Variants in EPB41L4A observed in about 807,000 individuals in gnomAD.
The protein encoded by EPB41L4A is band 4.1-like protein 4A.
In EPB41L4A, 100 loss-of-function variants were observed where a neutral mutation model predicts 108.6. The ratio of observed to expected loss-of-function variants is 0.92; its 90% CI spans 0.78 to 1.09. The LOEUF (loss-of-function observed/expected upper bound fraction) is 1.09, where lower values mean the gene tolerates loss of function less well. EPB41L4A is among the 50% of genes least tolerant of loss of function. The pLI is 0.00. For missense variants in EPB41L4A, 1,030 were observed against 842.7 expected, an observed-to-expected ratio of 1.22 and a Z score of -2.75; for synonymous variants, 319 against 289.0, an observed-to-expected ratio of 1.10 and a Z score of -1.05.
chr5:112,266,397 T>C (rs1028660137), intron 4 of EPB41L4A, 67 bp from the exon 5 acceptor site: 3 of 1,108,244 alleles, frequency 2.7e-6, no homozygotes, highest in African/African-American at 1.6e-5. Flanking sequence ...TTTCGGACCC[T>C]GATAATCAAG....
intron 17 of EPB41L4A, among the ~76,000 whole-genome samples, chr5:112,187,227 C>A (rs1761473376): frequency 6.6e-6 from 1 of 152,150 alleles, no homozygotes; most frequent in South Asian, 2.1e-4. Flanking sequence ...TAAAGGTGAA[C>A]CTCAATAAAC....
downstream of EPB41L4A, among the ~76,000 whole-genome samples, chr5:112,141,925 C>T (rs1245044238): frequency 2.0e-5 from 3 of 152,140 alleles, no homozygotes; most frequent in African/African-American, 7.2e-5. Context: ...CACCCTCCTC[C>T]CCCAACAACA....
chr5:112,392,036 T>C (rs1433760837), intron 1 of EPB41L4A, among the ~76,000 whole-genome samples: 1 of 152,134 alleles, frequency 6.6e-6, no homozygotes, highest in Non-Finnish European at 1.5e-5. Context: ...AGAGATTTTG[T>C]CAGCACCAGT....
At chr5:112,182,565 A>G (rs1415118730) in intron 18 of EPB41L4A, among the ~76,000 whole-genome samples, 1 of 152,188 alleles carries the variant, frequency 6.6e-6, no homozygotes, top group Non-Finnish European at 1.5e-5. Context: ...TTGAACTCAG[A>G]ATGCTTTAGA....
Position 112,164,067 on chromosome 5 carries a change from A to T in EPB41L4A, c.*923T>A, listed in dbSNP as rs1433060191. The T allele has an allele frequency of 2.0e-5, 3 of 152,296 alleles. No individual in the cohort carries two copies. The highest frequency in any genetic ancestry group is 2.9e-5 in the Non-Finnish European group (2 of 68,076). 9.4% of individuals were successfully genotyped at this position (152,296 alleles called of 1,614,324 possible). A position where few individuals can be genotyped will look rare whatever the true frequency, so the allele number is the denominator to read the frequency against. ...AGTCACTGGGGAGAGCAGGTGAATT[A>T]GATGGCCAAGCAGGGTGGATGGATC... On this transcript the variant is annotated 3_prime_UTR_variant, in exon 23 of 23. Coordinates refer to ENST00000261486, the MANE Select transcript of EPB41L4A (RefSeq NM_022140.5).
chr5:112,254,331 A>G (rs1750913691), intron 9 of EPB41L4A, among the ~76,000 whole-genome samples: 1 of 152,114 alleles, frequency 6.6e-6, no homozygotes, highest in Non-Finnish European at 1.5e-5. Context: ...ATGCTTCCCA[A>G]ATCTGCCGAC....
intron 10 of EPB41L4A, 36 bp from the exon 11 acceptor site, chr5:112,239,773 C>G: frequency 1.3e-6 from 2 of 1,489,378 alleles, no homozygotes; most frequent in Non-Finnish European, 1.9e-6. Flanking sequence ...GACAAAGACT[C>G]AATGTTATAG....
At chr5:112,226,646 G>A (rs1245552419) in intron 12 of EPB41L4A, among the ~76,000 whole-genome samples, 1 of 152,040 alleles carries the variant, frequency 6.6e-6, no homozygotes, top group Non-Finnish European at 1.5e-5. Context: ...GGGCTGGAGA[G>A]CAGTGAAGAT....
At chr5:112,218,552 A>G (rs1385652583) in intron 12 of EPB41L4A, among the ~76,000 whole-genome samples, 1 of 152,214 alleles carries the variant, frequency 6.6e-6, no homozygotes, top group Non-Finnish European at 1.5e-5. Context: ...TGCTTGGTCT[A>G]GGGCAGGTGG....
At chr5:112,238,959 A>C (rs983498532) in intron 11 of EPB41L4A, among the ~76,000 whole-genome samples, 2 of 152,226 alleles carry the variant, frequency 1.3e-5, no homozygotes, top group African/African-American at 4.8e-5. Flanking sequence ...GGCTTTTTCC[A>C]CAACAGGCTA....
At chr5:112,329,983 A>C (rs1756449098) in intron 1 of EPB41L4A, among the ~76,000 whole-genome samples, 1 of 152,216 alleles carries the variant, frequency 6.6e-6, no homozygotes, top group African/African-American at 2.4e-5. Flanking sequence ...CCTTATTTGC[A>C]AAACAAATTA....
intron 1 of EPB41L4A, among the ~76,000 whole-genome samples, chr5:112,375,619 G>T (rs909366408): frequency 2.0e-5 from 3 of 152,174 alleles, no homozygotes; most frequent in Admixed American, 6.5e-5. Context: ...TCATAAACAT[G>T]CTAAATGAAC....
At chr5:112,182,687 T>C (rs1047385258) in intron 18 of EPB41L4A, among the ~76,000 whole-genome samples, 1 of 152,152 alleles carries the variant, frequency 6.6e-6, no homozygotes, top group African/African-American at 2.4e-5. Flanking sequence ...AAAAATATGG[T>C]GGCAAAAGAT....
intron 1 of EPB41L4A, among the ~76,000 whole-genome samples, chr5:112,310,912 C>T (rs973049411): frequency 6.6e-6 from 1 of 152,160 alleles, no homozygotes; most frequent in African/African-American, 2.4e-5. Context: ...CACAGAGTAG[C>T]TCCCAAGAGT....
intron 10 of EPB41L4A, 45 bp from the exon 11 acceptor site, chr5:112,239,782 A>G: frequency 7.2e-7 from 1 of 1,394,652 alleles, no homozygotes; most frequent in Non-Finnish European, 1.0e-6. Context: ...TCAATGTTAT[A>G]GGCATTCTGG....
At chr5:112,180,158 T>C (rs1245505919) in intron 18 of EPB41L4A, among the ~76,000 whole-genome samples, 7 of 152,184 alleles carry the variant, frequency 4.6e-5, no homozygotes, top group African/African-American at 1.7e-4. Context: ...AATTGATCTA[T>C]ACATTCAACA....
At chr5:112,350,725 T>C (rs1306833993) in intron 1 of EPB41L4A, among the ~76,000 whole-genome samples, 2 of 152,184 alleles carry the variant, frequency 1.3e-5, no homozygotes, top group African/African-American at 4.8e-5. Flanking sequence ...AGTCAGAACA[T>C]GTGGTATCTT....
intron 3 of EPB41L4A, among the ~76,000 whole-genome samples, chr5:112,280,007 C>G (rs983629883): frequency 6.6e-6 from 1 of 152,094 alleles, no homozygotes; most frequent in Non-Finnish European, 1.5e-5. Flanking sequence ...GACAAGCATA[C>G]AGAAAAACCA....
At chr5:112,258,429 GT>G (rs1341276287) in intron 9 of EPB41L4A, among the ~76,000 whole-genome samples, 4 of 152,162 alleles carry the variant, frequency 2.6e-5, no homozygotes, top group African/African-American at 9.7e-5. Context: ...TCTGCACAAA[GT>G]TAGTATCAAA....
Sources: gnomAD v4.1 joint callset for allele counts (sites outside exome capture counted in the v4.1 genomes callset) on GRCh38, gnomAD v4.1.1 for gene constraint, MANE v1.5 for transcripts, NCBI Gene and HGNC (gene_info 2026-07-23, HGNC 2026-07-21) for gene names.